Variants in MTG1 observed in about 807,000 individuals in gnomAD.
The protein encoded by MTG1 is mitochondrial ribosome associated GTPase 1.
MTG1 carries 30 observed loss-of-function variants against 39.5 expected under a neutral mutation model. That is an observed-to-expected ratio of 0.76 (90% CI 0.57 to 1.03). The LOEUF is 1.03. Among genes scored for constraint, MTG1 ranks in the 50% least tolerant of loss-of-function variants. MTG1 has a pLI of 0.00. For synonymous variants in MTG1, 217 were observed against 179.0 expected (o/e 1.21, Z -1.69); for missense variants, 513 against 447.4 (o/e 1.15, Z -1.32).
intron 6 of MTG1, among the ~76,000 whole-genome samples, chr10:133,400,575 G>A (rs1849860445): frequency 1.3e-5 from 2 of 152,236 alleles, no homozygotes; most frequent in African/African-American, 4.8e-5. Flanking sequence ...TTATTTTACA[G>A]AGAGGGTGTT....
chr10:133,421,906 G>GC lies in MTG1; in HGVS notation c.*1741_*1742insC, dbSNP rs1022048502. The stretch of plus-strand genomic sequence containing the variant: ...GGGTGAGATCCCAAGGCCACGGCGG[G>GC]GGGCAGGGAGAACCCCTCCTACCCT... On this transcript the variant is annotated 3_prime_UTR_variant, in exon 11 of 11. Coordinates refer to ENST00000317502, the MANE Select transcript of MTG1 (RefSeq NM_138384.4). 2 of 147,250 alleles carry GC rather than the reference G, an allele frequency of 1.4e-5. No homozygotes were observed. The highest frequency in any genetic ancestry group is 3.0e-5 in the Non-Finnish European group (2 of 66,484). The allele number at this position is 147,250 out of a possible 1,614,324, so 9.1% of individuals were successfully genotyped here. A position where few individuals can be genotyped will look rare whatever the true frequency, so the allele number is the denominator to read the frequency against.
intron 9 of MTG1, among the ~76,000 whole-genome samples, chr10:133,417,115 A>G (rs886572517): frequency 3.9e-5 from 6 of 152,060 alleles, no homozygotes; most frequent in Admixed American, 3.9e-4. Flanking sequence ...GTGAGATGGT[A>G]TCTCATTGTG....
Position 133,403,604 on chromosome 10 carries a change from C to T in MTG1, c.752+831C>T, listed in dbSNP as rs116260494. ...TCCCCGTGTGTCGTCGTGTGTTGTC[C>T]GTCATTCATCCTTTTTGTTGCCAGG... On this transcript the variant is annotated intron_variant, in intron 9 of 10. Transcript: ENST00000317502. Among the ~76,000 whole-genome samples the T allele has an allele frequency of 1.4e-3, 218 of 152,306 alleles. 1 individual carries two copies. Among genetic ancestry groups the T allele is most frequent in the African/African-American group, 5.1e-3 (211 of 41,564 alleles).
In MTG1 at chr10:133,422,047, C is replaced by T. The variant is rs550824196; in HGVS notation, c.*1882C>T. 1.5e-3 allele frequency: 234 copies of T among 153,502 alleles called. No homozygotes were observed. The highest frequency in any genetic ancestry group is 2.2e-3 in the Non-Finnish European group (153 of 68,672). The allele number at this position is 153,502 out of a possible 1,614,324, so 9.5% of individuals were successfully genotyped here. On this transcript the variant is annotated 3_prime_UTR_variant, in exon 11 of 11. Coordinates refer to ENST00000317502, the MANE Select transcript of MTG1 (RefSeq NM_138384.4). Reference sequence around the variant, plus strand: ...CTGGGAAGCAGAGGGCTGGTCTTAACACAGGTGTGTCCAGTGCTGGAGGCA... The same window carrying T: ...CTGGGAAGCAGAGGGCTGGTCTTAATACAGGTGTGTCCAGTGCTGGAGGCA...
In MTG1 at chr10:133,402,781, C is replaced by A. The variant is rs1237869699; in HGVS notation, c.752+8C>A. On this transcript the variant is annotated splice_region_variant and intron_variant, in intron 9 of 10. Transcript: ENST00000317502. The surrounding 1 kb of genome is among the most constrained non-coding windows in gnomAD (Gnocchi z 4.7). The stretch of plus-strand genomic sequence containing the variant: ...CAAACACCAGCGCTTTGGGTGAGTG[C>A]AGTGAATGCAGGGCAGCTGGGGCCC... 1 of 1,591,278 alleles carries A rather than the reference C, an allele frequency of 6.3e-7. No individual in the cohort carries two copies. The highest frequency in any genetic ancestry group is 8.6e-7 in the Non-Finnish European group (1 of 1,168,596).
At chr10:133,416,871 C>T (rs529123853) in intron 9 of MTG1, among the ~76,000 whole-genome samples, 2 of 151,870 alleles carry the variant, frequency 1.3e-5, no homozygotes, top group East Asian at 1.9e-4. Context: ...CACATGTGTG[C>T]ATGTGTCTTT....
Position 133,421,073 on chromosome 10 carries a change from C to T in MTG1, c.*908C>T, listed in dbSNP as rs1387814143. 1 of 152,348 alleles carries T rather than the reference C, an allele frequency of 6.6e-6. No homozygotes were observed. The highest frequency in any genetic ancestry group is 1.5e-5 in the Non-Finnish European group (1 of 68,160). The allele number at this position is 152,348 out of a possible 1,614,324, so 9.4% of individuals were successfully genotyped here. On this transcript the variant is annotated 3_prime_UTR_variant, in exon 11 of 11. Transcript: ENST00000317502. ...GGGCCAGGGACATCCTGTGCAGAAG[C>T]TCCGGCTGCCTCTTTGCGGTGGTGG...
intron 1 of MTG1, 80 bp from the exon 2 acceptor site, chr10:133,395,633 C>A: frequency 2.3e-6 from 3 of 1,332,460 alleles, no homozygotes; most frequent in African/African-American, 2.9e-5. Flanking sequence ...GGTGGCGTGT[C>A]ATTCTGGACG....
intron 9 of MTG1, among the ~76,000 whole-genome samples, chr10:133,418,025 C>T (rs967866788): frequency 2.3e-4 from 35 of 152,118 alleles, no homozygotes; most frequent in African/African-American, 8.2e-4. Context: ...TTTGAGATGG[C>T]ATCTCACTCT....
chr10:133,403,898 G>A (rs560167127), intron 9 of MTG1, among the ~76,000 whole-genome samples: 1 of 152,214 alleles, frequency 6.6e-6, no homozygotes, highest in East Asian at 1.9e-4. Flanking sequence ...TGGCAAGCAG[G>A]GAATGAGTCC....
In MTG1 at chr10:133,421,251, C is replaced by T. The variant is rs1850229182; in HGVS notation, c.*1086C>T. On this transcript the variant is annotated 3_prime_UTR_variant, in exon 11 of 11. Transcript: ENST00000317502. ...TGCATCGTGCCATAACCCTGACCGC[C>T]TGGGGCAGGAAGTATTCAGGTTGGC... The T allele has an allele frequency of 6.5e-6, 1 of 152,866 alleles. No individual in the cohort carries two copies. Among genetic ancestry groups the T allele is most frequent in the South Asian group, 2.1e-4 (1 of 4,830 alleles). 9.5% of individuals were successfully genotyped at this position (152,866 alleles called of 1,614,324 possible).
intron 1 of MTG1, chr10:133,394,688 A>T: frequency 1.8e-6 from 2 of 1,105,592 alleles, no homozygotes; most frequent in Non-Finnish European, 2.2e-6. Flanking sequence ...TCTTGACAAG[A>T]TAGACTTTTC....
chr10:133,394,897 C>T (rs1371037010), intron 1 of MTG1: 3 of 256,580 alleles, frequency 1.2e-5, no homozygotes, highest in African/African-American at 2.3e-5. Context: ...TCCGCGTGTA[C>T]TGGGGGCCGA....
chr10:133,407,286 G>A (rs1010993063), intron 9 of MTG1, among the ~76,000 whole-genome samples: 3 of 152,158 alleles, frequency 2.0e-5, no homozygotes, highest in African/African-American at 7.2e-5. Flanking sequence ...GCCTTTAGTG[G>A]TGCCATACAA....
chr10:133,411,973 AG>A (rs1850053698), intron 9 of MTG1, among the ~76,000 whole-genome samples: 1 of 152,144 alleles, frequency 6.6e-6, no homozygotes, highest in Middle Eastern at 3.4e-3. Context: ...CTGTTTGAGA[AG>A]GTCGCGGTTT....
chr10:133,402,652 T>C lies in MTG1; in HGVS notation c.671-40T>C. ...TTTGAACTTGGCAGGAACATAGATG[T>C]GGCTGTTTCCAGTGCTCACCTCGGC... On this transcript the variant is annotated intron_variant, in intron 8 of 10. Coordinates refer to ENST00000317502, the MANE Select transcript of MTG1 (RefSeq NM_138384.4). This position sits in a 1 kb window ranked among gnomAD's most constrained non-coding sequence, Gnocchi z 4.7. 1 of 1,542,272 alleles carries C rather than the reference T, an allele frequency of 6.5e-7. No individual in the cohort carries two copies. The highest frequency in any genetic ancestry group is 8.8e-7 in the Non-Finnish European group (1 of 1,133,294).
chr10:133,415,177 C>T (rs529601488), intron 9 of MTG1, among the ~76,000 whole-genome samples: 24 of 151,806 alleles, frequency 1.6e-4, no homozygotes, highest in Non-Finnish European at 2.9e-4. Flanking sequence ...AGAGGGAGAC[C>T]GTGGAGAGGG....
At chr10:133,415,376 T>A (rs1850110072) in intron 9 of MTG1, among the ~76,000 whole-genome samples, 1 of 152,278 alleles carries the variant, frequency 6.6e-6, no homozygotes, top group Non-Finnish European at 1.5e-5. Context: ...TTTCAGCTTT[T>A]GGTTGTCTGA....
intron 4 of MTG1, 125 bp downstream of exon 4, chr10:133,398,640 C>A: frequency 3.7e-6 from 4 of 1,082,840 alleles, no homozygotes; most frequent in Non-Finnish European, 3.9e-6. Flanking sequence ...TGGTTTCCAG[C>A]TGCCACACAC....
Sources: gnomAD v4.1 joint callset for allele counts (sites outside exome capture counted in the v4.1 genomes callset) on GRCh38, gnomAD v4.1.1 for gene constraint, Gnocchi (gnomAD v3.1) non-coding constraint, MANE v1.5 for transcripts, NCBI Gene and HGNC (gene_info 2026-07-23, HGNC 2026-07-21) for gene names.